The following SLC12A1 variants were observed in gnomAD, a reference collection of about 807,000 sequenced individuals.
SLC12A1 encodes Na-K-2Cl cotransporter.
A neutral mutation model predicts 130.4 loss-of-function variants in SLC12A1; 89 were observed. The ratio of observed to expected loss-of-function variants is 0.68; its 90% confidence interval spans 0.58 to 0.81. The LOEUF (loss-of-function observed/expected upper bound fraction) is 0.81, where lower values mean the gene tolerates loss of function less well. Among genes scored for constraint, SLC12A1 ranks in the 40% least tolerant of loss-of-function variants. The pLI is 0.00. For synonymous variants in SLC12A1, 499 were observed against 460.0 expected (o/e 1.08, Z -1.09); for missense variants, 1,310 against 1,336.4 (o/e 0.98, Z 0.31).
At chr15:48,222,435 G>C (rs1200630608) in intron 4 of SLC12A1, 1 of 151,782 alleles carries the variant, frequency 6.6e-6, no homozygotes, top group African/African-American at 2.4e-5. Flanking sequence ...CTGCTAAACA[G>C]TTTATTATGC....
intron 5 of SLC12A1, chr15:48,228,707 T>A (rs1276043571): frequency 5.3e-6 from 1 of 188,142 alleles, no homozygotes; most frequent in Non-Finnish European, 1.1e-5. Context: ...ATTGTATATA[T>A]GTACATATAT....
intron 15 of SLC12A1, among the ~76,000 whole-genome samples, chr15:48,255,209 A>G (rs2041692552): frequency 6.6e-6 from 1 of 152,170 alleles, no homozygotes; most frequent in Admixed American, 6.5e-5. Context: ...AGAGACCGAG[A>G]TGGGTGGATC....
chr15:48,256,154 G>C (rs74011991), intron 16 of SLC12A1, among the ~76,000 whole-genome samples: 1 of 152,054 alleles, frequency 6.6e-6, no homozygotes, highest in African/African-American at 2.4e-5. Context: ...CCTTCCATGC[G>C]TGGAGATAGC....
At chr15:48,263,790 T>C (rs569025023) in intron 17 of SLC12A1, among the ~76,000 whole-genome samples, 1 of 152,196 alleles carries the variant, frequency 6.6e-6, no homozygotes, top group East Asian at 1.9e-4. Context: ...GCTCCCAGGC[T>C]CAAGCAATCC....
Position 48,274,662 on chromosome 15 carries a change from T to C in SLC12A1, c.2485+9T>C. On this transcript the variant is annotated intron_variant, in intron 20 of 26. Coordinates refer to ENST00000380993, the MANE Select transcript of SLC12A1 (RefSeq NM_000338.3). ...GGTTCTTCAGGTGCAAGGTATGTAC[T>C]TTCTTTATTCAACCAACAAGTATTT... 1 of 1,595,570 alleles carries C rather than the reference T, an allele frequency of 6.3e-7. No individual in the cohort carries two copies. The highest frequency in any genetic ancestry group is 8.6e-7 in the Non-Finnish European group (1 of 1,164,092).
chr15:48,242,521 G>A (rs902081476), intron 10 of SLC12A1, among the ~76,000 whole-genome samples: 3 of 152,266 alleles, frequency 2.0e-5, no homozygotes, highest in Non-Finnish European at 2.9e-5. Flanking sequence ...GTATTGTTGC[G>A]GCTGGGCACA....
intron 5 of SLC12A1, 24 bp from the exon 6 acceptor site, chr15:48,229,165 A>T: frequency 1.3e-6 from 2 of 1,574,000 alleles, no homozygotes; most frequent in South Asian, 2.3e-5. Flanking sequence ...CCTCAATGTG[A>T]AGTATGTTCA....
At chr15:48,258,776 T>C (rs1003784969) in intron 16 of SLC12A1, among the ~76,000 whole-genome samples, 1 of 152,198 alleles carries the variant, frequency 6.6e-6, no homozygotes, top group Non-Finnish European at 1.5e-5. Flanking sequence ...AGAGATTTAA[T>C]AGACTCACAG....
At chr15:48,282,883 G>A (rs2042022418) in intron 20 of SLC12A1, among the ~76,000 whole-genome samples, 1 of 152,094 alleles carries the variant, frequency 6.6e-6, no homozygotes, top group Admixed American at 6.5e-5. Context: ...CTTCATGGTG[G>A]GAAGCATATG....
intron 20 of SLC12A1, among the ~76,000 whole-genome samples, chr15:48,284,568 C>T (rs1230396174): frequency 6.6e-6 from 1 of 152,202 alleles, no homozygotes; most frequent in Admixed American, 6.5e-5. Context: ...TGTATCATAA[C>T]TTAACACATA....
chr15:48,220,138 G>C (rs2041187427), intron 2 of SLC12A1, among the ~76,000 whole-genome samples: 1 of 127,950 alleles, frequency 7.8e-6, no homozygotes, highest in African/African-American at 3.9e-5. Context: ...AAGGTAGATA[G>C]ATAGATAGAT....
In SLC12A1 at chr15:48,303,030, T is replaced by A. The variant is rs537384559; in HGVS notation, c.*145T>A. On this transcript the variant is annotated 3_prime_UTR_variant, in exon 27 of 27. Coordinates refer to ENST00000380993, the MANE Select transcript of SLC12A1 (RefSeq NM_000338.3). ...AGATTCTACATACATTGCATAATTTTTATCAGTTAATGCGAGCTTTTTTTT... is the reference window on the plus strand; with the variant it reads ...AGATTCTACATACATTGCATAATTTATATCAGTTAATGCGAGCTTTTTTTT... 36 of 584,400 alleles carry A rather than the reference T, an allele frequency of 6.2e-5. No homozygotes were observed. The highest frequency in any genetic ancestry group is 5.9e-4 in the African/African-American group (31 of 52,522). 36.2% of individuals were successfully genotyped at this position (584,400 alleles called of 1,614,324 possible). A position where few individuals can be genotyped will look rare whatever the true frequency, so the allele number is the denominator to read the frequency against.
Position 48,226,377 on chromosome 15 carries a change from G to A in SLC12A1, c.629-99G>A, listed in dbSNP as rs928815046. On this transcript the variant is annotated intron_variant, in intron 4 of 26. Coordinates refer to ENST00000380993, the MANE Select transcript of SLC12A1 (RefSeq NM_000338.3). Reference sequence around the variant, plus strand: ...AAACCCCGTTGGAGCCCGAGGCATGGACCTGAAAACTTAAGTTAAAGGCAG... The same window carrying A: ...AAACCCCGTTGGAGCCCGAGGCATGAACCTGAAAACTTAAGTTAAAGGCAG... The A allele has an allele frequency of 7.1e-6, 5 of 700,890 alleles. No individual in the cohort carries two copies. The East Asian group carries it at 8.6e-5, about 12-fold the overall frequency. The allele number at this position is 700,890 out of a possible 1,614,324, so 43.4% of individuals were successfully genotyped here. A position where few individuals can be genotyped will look rare whatever the true frequency, so the allele number is the denominator to read the frequency against.
intron 5 of SLC12A1, 95 bp from the exon 6 acceptor site, chr15:48,229,094 T>A: frequency 7.6e-7 from 1 of 1,318,378 alleles, no homozygotes; most frequent in Non-Finnish European, 1.0e-6. Context: ...GTTATTGAAA[T>A]AATTCACACT....
chr15:48,242,019 T>G (rs976535719), intron 10 of SLC12A1, among the ~76,000 whole-genome samples: 2 of 152,194 alleles, frequency 1.3e-5, no homozygotes, highest in Non-Finnish European at 2.9e-5. Context: ...ATGAAAGATG[T>G]GGAATTTGTG....
intron 17 of SLC12A1, among the ~76,000 whole-genome samples, chr15:48,264,540 A>G (rs1050226971): frequency 1.3e-5 from 2 of 152,110 alleles, no homozygotes; most frequent in African/African-American, 4.8e-5. Flanking sequence ...TTTTTTTATC[A>G]GTGAGCCTCT....
intron 17 of SLC12A1, 138 bp downstream of exon 17, chr15:48,259,449 C>T: frequency 2.9e-6 from 2 of 683,280 alleles, no homozygotes; most frequent in Non-Finnish European, 5.3e-6. Flanking sequence ...TACCTTGATT[C>T]ATAGAGCAAG....
At chr15:48,271,260 T>C (rs998762601) in intron 19 of SLC12A1, among the ~76,000 whole-genome samples, 1 of 151,970 alleles carries the variant, frequency 6.6e-6, no homozygotes, top group Admixed American at 6.6e-5. Context: ...GGCTTGAAAA[T>C]ACTTAATCAG....
At chr15:48,300,526 T>G (rs1247632973) in intron 25 of SLC12A1, among the ~76,000 whole-genome samples, 1 of 152,032 alleles carries the variant, frequency 6.6e-6, no homozygotes, top group African/African-American at 2.4e-5. Context: ...ATGCCCTACA[T>G]AAACCACATT....
Sources: gnomAD v4.1 joint callset for allele counts (sites outside exome capture counted in the v4.1 genomes callset) on GRCh38, gnomAD v4.1.1 for gene constraint, MANE v1.5 for transcripts, NCBI Gene and HGNC (gene_info 2026-07-23, HGNC 2026-07-21) for gene names.